Variants in PCDHA6 observed in about 807,000 individuals in gnomAD.
PCDHA6 encodes protocadherin alpha 6, also known as protocadherin alpha-6.
PCDHA6 carries 55 observed loss-of-function variants against 60.3 expected under a neutral mutation model. The observed-to-expected ratio is 0.91, with a 90% CI of 0.73 to 1.14. PCDHA6 has a LOEUF of 1.14. PCDHA6 is among the 50% of genes most tolerant of loss of function. The pLI, the probability that PCDHA6 is intolerant of heterozygous loss-of-function variation, is 0.00. For missense variants in PCDHA6, 1,327 were observed against 1,256.5 expected, an observed-to-expected ratio of 1.06 and a Z score of -0.85; for synonymous variants, 652 against 557.9, an observed-to-expected ratio of 1.17 and a Z score of -2.38.
chr5:140,841,810 A>G (rs782078620), intron 1 of PCDHA6: 2 of 1,613,740 alleles, frequency 1.2e-6, no homozygotes. Context: ...CAGATGTTGG[A>G]GCTAACTCCG....
Position 140,851,530 on chromosome 5 carries a change from A to AT in PCDHA6, c.2394+21046dup, listed in dbSNP as rs746126939. ...AAAATATGTTTTAAAATGCCTGACA[A>AT]TGTAGATAATTCAAGAAATGTTGAC... is the stretch of plus-strand genomic sequence containing the variant. On this transcript the variant is annotated intron_variant, in intron 1 of 3. Transcript: ENST00000529310. 7.7e-4 allele frequency: 698 copies of AT among 902,810 alleles called. 38 individuals are homozygous for AT. The highest frequency in any genetic ancestry group is 9.1e-4 in the Non-Finnish European group (671 of 740,872). 55.9% of individuals were successfully genotyped at this position (902,810 alleles called of 1,614,324 possible).
rs2098418726 is a variant in PCDHA6 at position 141,010,899 on chromosome 5, C to T, written c.*962C>T. 2 of 153,680 alleles carry T rather than the reference C, an allele frequency of 1.3e-5. No individual in the cohort carries two copies. Among genetic ancestry groups the T allele is most frequent in the Admixed American group, 6.6e-5 (1 of 15,264 alleles). The allele number at this position is 153,680 out of a possible 1,614,324, so 9.5% of individuals were successfully genotyped here. ...TTTAAAGAGAAATATGAATACAATT[C>T]CCCTAAACTCTCCTCAAAAGAGAAT... On this transcript the variant is annotated 3_prime_UTR_variant, in exon 4 of 4. Coordinates refer to ENST00000529310, the MANE Select transcript of PCDHA6 (RefSeq NM_018909.4).
chr5:140,869,264 T>C (rs782308224), intron 1 of PCDHA6: 1 of 1,613,438 alleles, frequency 6.2e-7, no homozygotes, highest in South Asian at 1.1e-5. Context: ...GACCTGGGGC[T>C]GGAGCTGGCG....
At chr5:140,928,469 A>G in intron 1 of PCDHA6, 1 of 1,614,144 alleles carries the variant, frequency 6.2e-7, no homozygotes, top group Non-Finnish European at 8.5e-7. Context: ...TTCCAAGTAG[A>G]AGGCCGGGAT....
In PCDHA6 at chr5:140,843,032, G is replaced by A. The variant is rs2150350640; in HGVS notation, c.2394+12547G>A. The stretch of plus-strand genomic sequence containing the variant: ...GCCGGCACTGCTGGAGCCTCGGGTG[G>A]GTGGCACTGGTGGCGCAGCGAGCAA... On this transcript the variant is annotated intron_variant, in intron 1 of 3. Coordinates refer to ENST00000529310, the MANE Select transcript of PCDHA6 (RefSeq NM_018909.4). 13 of 1,595,002 alleles carry A rather than the reference G, an allele frequency of 8.2e-6. 1 individual carries two copies. In the South Asian group the frequency reaches 1.1e-4, roughly 14 times the overall value.
chr5:140,965,928 C>T (rs2095948805), intron 1 of PCDHA6, among the ~76,000 whole-genome samples: 1 of 152,198 alleles, frequency 6.6e-6, no homozygotes, highest in South Asian at 2.1e-4. Flanking sequence ...GGCTTGCTCC[C>T]GGAAAGAGGG....
intron 1 of PCDHA6, among the ~76,000 whole-genome samples, chr5:140,936,711 A>G (rs2091105126): frequency 6.6e-6 from 1 of 152,212 alleles, no homozygotes; most frequent in African/African-American, 2.4e-5. Flanking sequence ...TCTTGTGCCA[A>G]TACATTCTGT....
chr5:140,857,226 C>G, intron 1 of PCDHA6: 2 of 1,598,494 alleles, frequency 1.3e-6, no homozygotes, highest in Non-Finnish European at 1.7e-6. Context: ...CCTCACGTTC[C>G]GTTCAAGCTG....
chr5:140,930,338 A>T (rs2086745230), intron 1 of PCDHA6: 1 of 152,214 alleles, frequency 6.6e-6, no homozygotes, highest in African/African-American at 2.4e-5. Flanking sequence ...AATGAAAGTT[A>T]AGTGATTCAA....
intron 1 of PCDHA6, chr5:140,929,246 C>A: frequency 6.2e-7 from 1 of 1,613,738 alleles, no homozygotes; most frequent in Non-Finnish European, 8.5e-7. Flanking sequence ...AATCTTGCCA[C>A]TGGGGTAGGA....
chr5:140,945,636 G>A (rs2093820936), intron 1 of PCDHA6, among the ~76,000 whole-genome samples: 1 of 152,092 alleles, frequency 6.6e-6, no homozygotes, highest in Admixed American at 6.6e-5. Context: ...TAAAAGACAT[G>A]TAGACCAATG....
chr5:140,949,040 A>G (rs1419524123), intron 1 of PCDHA6, among the ~76,000 whole-genome samples: 1 of 151,758 alleles, frequency 6.6e-6, no homozygotes, highest in Non-Finnish European at 1.5e-5. Flanking sequence ...ATTTAAAAGT[A>G]TGTTCTAATT....
At position 140,850,002 on chromosome 5, in the gene PCDHA6, T is replaced by G. The variant is rs2150462762; in HGVS notation, c.2394+19517T>G. The G allele has an allele frequency of 2.8e-5, 45 of 1,596,824 alleles. No homozygotes were observed. In the South Asian group the frequency reaches 3.6e-4, roughly 13 times the overall value. The stretch of plus-strand genomic sequence containing the variant: ...GGTGGAGCGGCGGTTGGGCGAGCGC[T>G]CGCTGTCGAGCTACGTGTCAGTGCA... On this transcript the variant is annotated intron_variant, in intron 1 of 3. Coordinates refer to ENST00000529310, the MANE Select transcript of PCDHA6 (RefSeq NM_018909.4).
At chr5:141,006,606 C>T (rs782461917) in intron 3 of PCDHA6, among the ~76,000 whole-genome samples, 3 of 152,112 alleles carry the variant, frequency 2.0e-5, no homozygotes, top group Non-Finnish European at 4.4e-5. Flanking sequence ...TGGAAGCAGA[C>T]TGAATAAGGA....
In PCDHA6 at chr5:140,836,794, C is replaced by G. The variant is rs2150270032; in HGVS notation, c.2394+6309C>G. 3.6e-6 allele frequency: 5 copies of G among 1,396,752 alleles called. 1 individual carries two copies. The East Asian group carries it at 9.2e-5, about 26-fold the overall frequency. The allele number at this position is 1,396,752 out of a possible 1,614,324, so 86.5% of individuals were successfully genotyped here. ...TTTTAAAACAATTAGTTCAATTGGT[C>G]TCCTTAAATTTTCTTTCATAATTTC... is the stretch of plus-strand genomic sequence containing the variant. On this transcript the variant is annotated intron_variant, in intron 1 of 3. Coordinates refer to ENST00000529310, the MANE Select transcript of PCDHA6 (RefSeq NM_018909.4).
At chr5:140,969,004 T>C (rs1554231338) in intron 1 of PCDHA6, 2 of 1,614,060 alleles carry the variant, frequency 1.2e-6, no homozygotes, top group East Asian at 2.2e-5. Flanking sequence ...GAGGCTTCTG[T>C]GGAGTAAGGG....
At chr5:140,880,877 A>G (rs1399131370) in intron 1 of PCDHA6, among the ~76,000 whole-genome samples, 8 of 152,232 alleles carry the variant, frequency 5.3e-5, no homozygotes, top group Non-Finnish European at 8.8e-5. Context: ...GAGGTAAATA[A>G]AGAAATGTAG....
chr5:140,937,378 G>T (rs1248709474), intron 1 of PCDHA6, among the ~76,000 whole-genome samples: 1 of 152,130 alleles, frequency 6.6e-6, no homozygotes, highest in African/African-American at 2.4e-5. Context: ...GTTTATGTGT[G>T]TGTATGTGTA....
intron 1 of PCDHA6, among the ~76,000 whole-genome samples, chr5:140,888,353 A>G (rs907810387): frequency 1.9e-4 from 29 of 152,220 alleles, no homozygotes; most frequent in African/African-American, 6.8e-4. Context: ...GGGAATTGCT[A>G]CTGGCATCTA....
Sources: gnomAD v4.1 joint callset for allele counts (sites outside exome capture counted in the v4.1 genomes callset) on GRCh38, gnomAD v4.1.1 for gene constraint, MANE v1.5 for transcripts, NCBI Gene and HGNC (gene_info 2026-07-23, HGNC 2026-07-21) for gene names.